The following MRTFB variants were observed in gnomAD, a reference collection of about 807,000 sequenced individuals.
MRTFB encodes the protein myocardin-related transcription factor B.
In MRTFB, 29 loss-of-function variants were observed where a neutral mutation model predicts 104.2. That is an observed-to-expected ratio of 0.28 (90% CI 0.21 to 0.38). The LOEUF (loss-of-function observed/expected upper bound fraction) is 0.38. Ranked by LOEUF, MRTFB falls within the 10% of genes least tolerant of loss-of-function variation. The pLI is 1.00. For synonymous variants in MRTFB, 535 were observed against 519.5 expected, an observed-to-expected ratio of 1.03 and a Z score of -0.41; for missense variants, 1,270 against 1,341.6, an observed-to-expected ratio of 0.95 and a Z score of 0.83.
the MRTFB span, among the ~76,000 whole-genome samples, chr16:14,041,692 C>T: frequency 1.3e-4 from 20 of 151,614 alleles, no homozygotes; most frequent in Admixed American, 5.3e-4. Flanking sequence ...TTTGGGAGGT[C>T]GGGGCGGGCA....
intron 3 of MRTFB, chr16:14,186,704 C>G (rs927147187): frequency 7.2e-7 from 1 of 1,381,940 alleles, no homozygotes; most frequent in African/African-American, 1.5e-5. Flanking sequence ...TAAGGGCTTC[C>G]AGCGGCATGA....
chr16:14,128,099 C>T (rs1460263859), intron 2 of MRTFB, among the ~76,000 whole-genome samples: 1 of 151,712 alleles, frequency 6.6e-6, no homozygotes, highest in Non-Finnish European at 1.5e-5. Context: ...GACAGAAGAA[C>T]AGCTCTGAAA....
rs1384315906 is a variant in MRTFB, at chr16:14,258,889, A to G, written c.2764+728A>G. Among the ~76,000 whole-genome samples, 4 of 152,230 alleles carry G rather than the reference A, an allele frequency of 2.6e-5. No homozygotes were observed. In the South Asian group the frequency reaches 6.2e-4, roughly 24 times the overall value. ...CAAGGATATTGTTGCCTCAGCTTAC[A>G]TATCTTTGAAGTATAAAAATCAATA... On this transcript the variant is annotated intron_variant, in intron 16 of 16. Coordinates refer to ENST00000571589, the MANE Select transcript of MRTFB (RefSeq NM_001308142.2).
chr16:14,057,745 T>G, the MRTFB span, among the ~76,000 whole-genome samples: 3 of 149,416 alleles, frequency 2.0e-5, no homozygotes, highest in Admixed American at 1.3e-4. Flanking sequence ...AAATTTTGCC[T>G]ACCACACTCT....
intron 8 of MRTFB, among the ~76,000 whole-genome samples, chr16:14,220,339 T>A (rs1378999683): frequency 6.6e-6 from 1 of 152,196 alleles, no homozygotes; most frequent in African/African-American, 2.4e-5. Context: ...TGCTACTGTT[T>A]TGAGTAGGTT....
the MRTFB span, chr16:14,012,938 A>T: frequency 6.6e-6 from 1 of 152,152 alleles, no homozygotes; most frequent in Non-Finnish European, 1.5e-5. Context: ...CAATGGAATA[A>T]GCTTAATACG....
chr16:14,038,935 T>A, the MRTFB span, among the ~76,000 whole-genome samples: 1 of 152,140 alleles, frequency 6.6e-6, no homozygotes, highest in African/African-American at 2.4e-5. Flanking sequence ...GAGAACCAAC[T>A]GAAAGGCGAC....
chr16:14,009,138 T>TA, the MRTFB span: 2 of 152,002 alleles, frequency 1.3e-5, no homozygotes, highest in Admixed American at 6.6e-5. Context: ...TTGGTAGAGA[T>TA]AGAGTCTTGC....
chr16:14,051,272 G>A, the MRTFB span, among the ~76,000 whole-genome samples: 3 of 149,992 alleles, frequency 2.0e-5, no homozygotes, highest in Admixed American at 6.6e-5. Flanking sequence ...AGACACACAC[G>A]GACACACTCA....
chr16:14,171,087 A>C (rs1017366833), intron 3 of MRTFB, among the ~76,000 whole-genome samples: 4 of 152,190 alleles, frequency 2.6e-5, no homozygotes, highest in African/African-American at 9.6e-5. Context: ...GACAAGCCCA[A>C]CATCATTCTC....
chr16:14,111,525 G>A (rs2036267120), intron 2 of MRTFB, among the ~76,000 whole-genome samples: 1 of 152,226 alleles, frequency 6.6e-6, no homozygotes, highest in Admixed American at 6.5e-5. Context: ...TGCTTAACGT[G>A]AATTTGGTGG....
intron 2 of MRTFB, 123 bp from the exon 3 acceptor site, chr16:14,140,421 T>C: frequency 1.7e-6 from 1 of 603,128 alleles, no homozygotes. Flanking sequence ...AGAGGGTAAA[T>C]GGATTAGTAT....
intron 2 of MRTFB, among the ~76,000 whole-genome samples, chr16:14,105,387 T>C (rs560503531): frequency 6.2e-4 from 94 of 151,638 alleles, no homozygotes; most frequent in African/African-American, 1.7e-3. Context: ...TGATTAGATG[T>C]ATCCTTCTCT....
At chr16:14,252,343 A>C (rs775262235) in intron 14 of MRTFB, 22 bp from the exon 15 acceptor site, 1 of 1,608,914 alleles carries the variant, frequency 6.2e-7, no homozygotes, top group Non-Finnish European at 8.5e-7. Context: ...GGTAATGTGC[A>C]CTCCTCCTTT....
chr16:14,165,186 A>G (rs2039190815), intron 3 of MRTFB, among the ~76,000 whole-genome samples: 1 of 151,938 alleles, frequency 6.6e-6, no homozygotes. Context: ...GTTGCTTGAT[A>G]TATTGCTGCA....
Position 14,262,725 on chromosome 16 carries a change from T to A in MRTFB, c.*1281T>A, listed in dbSNP as rs2043818418. ...TGTGTTAAGTCATTTCTTAAGAATT[T>A]TCTAAAATGCCAACTATCACAGGAT... On this transcript the variant is annotated 3_prime_UTR_variant, in exon 17 of 17. Transcript: ENST00000571589. 2 of 152,254 alleles carry A rather than the reference T, an allele frequency of 1.3e-5. No homozygotes were observed. Among genetic ancestry groups the A allele is most frequent in the South Asian group, 4.1e-4 (2 of 4,834 alleles). The allele number at this position is 152,254 out of a possible 1,614,324, so 9.4% of individuals were successfully genotyped here.
At chr16:14,242,062 G>A (rs1418334445) in intron 10 of MRTFB, among the ~76,000 whole-genome samples, 1 of 151,692 alleles carries the variant, frequency 6.6e-6, no homozygotes, top group African/African-American at 2.4e-5. Flanking sequence ...GCTTAAAACC[G>A]TGCATCATCC....
At chr16:14,010,745 GTTGCCTTGTCCAA>G in the MRTFB span, among the ~76,000 whole-genome samples, 4 of 152,212 alleles carry the variant, frequency 2.6e-5, no homozygotes, top group Non-Finnish European at 5.9e-5. Context: ...GACCTCTAGA[GTTGCCTTGTCCAA>G]TATGGTAGGC....
chr16:14,194,869 A>C (rs1019215276), intron 3 of MRTFB, among the ~76,000 whole-genome samples: 1 of 152,092 alleles, frequency 6.6e-6, no homozygotes, highest in East Asian at 1.9e-4. Flanking sequence ...AGATGTGGTG[A>C]TAGCCGTAAA....
Sources: gnomAD v4.1 joint callset for allele counts (sites outside exome capture counted in the v4.1 genomes callset) on GRCh38, gnomAD v4.1.1 for gene constraint, MANE v1.5 for transcripts, NCBI Gene and HGNC (gene_info 2026-07-23, HGNC 2026-07-21) for gene names.